The following GLB1 variants were observed in gnomAD, a reference collection of about 807,000 sequenced individuals.
GLB1 encodes the protein galactosidase beta 1, also known as beta-galactosidase.
In GLB1, 56 loss-of-function variants were observed where a neutral mutation model predicts 74.0. The ratio of observed to expected loss-of-function variants is 0.76; its 90% CI spans 0.61 to 0.94. The LOEUF (loss-of-function observed/expected upper bound fraction) is 0.94, where lower values mean the gene tolerates loss of function less well. GLB1 is among the 40% of genes least tolerant of loss of function. The pLI is 0.00. For synonymous variants in GLB1, 323 were observed against 323.6 expected, an observed-to-expected ratio of 1.00 and a Z score of 0.02; for missense variants, 787 against 845.5, an observed-to-expected ratio of 0.93 and a Z score of 0.86.
At chr3:33,009,861 A>G (rs75835773) in intron 15 of GLB1, among the ~76,000 whole-genome samples, 2,237 of 152,324 alleles carry the variant, frequency 0.015, 62 homozygotes, top group African/African-American at 0.051. Context: ...GGAGTCATAC[A>G]ATACATAGCC....
intron 1 of GLB1, chr3:33,077,483 G>A: frequency 2.8e-6 from 2 of 714,594 alleles, no homozygotes; most frequent in Non-Finnish European, 2.2e-6. Context: ...GTCAGGGGGT[G>A]TCTACTAAAA....
At position 33,091,004 on chromosome 3, in the gene GLB1, C is replaced by T. The variant is rs552789891; in HGVS notation, c.75+6007G>A. 3.0e-6 allele frequency: 3 copies of T among 985,284 alleles called. No homozygotes were observed. In the South Asian group the frequency reaches 1.4e-4, roughly 46 times the overall value. 61.0% of individuals were successfully genotyped at this position (985,284 alleles called of 1,614,324 possible). ...ATGAGAAAGATGTAAAATCAAGAAA[C>T]CAGTGAAATAACACGTAACAGGTGA... On this transcript the variant is annotated intron_variant, in intron 1 of 15. Transcript: ENST00000307363.
chr3:33,055,220 TG>T (rs1699164100), intron 6 of GLB1, among the ~76,000 whole-genome samples: 1 of 152,182 alleles, frequency 6.6e-6, no homozygotes, highest in Admixed American at 6.5e-5. Flanking sequence ...GCCTTGTGGT[TG>T]TCTATTCTCC....
intron 9 of GLB1, among the ~76,000 whole-genome samples, chr3:33,050,097 G>A (rs1441681171): frequency 6.6e-6 from 1 of 152,122 alleles, no homozygotes; most frequent in African/African-American, 2.4e-5. Context: ...GAAGCTTAGC[G>A]AAAAGCCAGT....
chr3:32,970,154 ACT>A, the GLB1 span, among the ~76,000 whole-genome samples: 1 of 152,240 alleles, frequency 6.6e-6, no homozygotes, highest in South Asian at 2.1e-4. Context: ...ATAGTTCAGG[ACT>A]TAACTTGACT....
chr3:33,012,861 T>C (rs1433280634), intron 15 of GLB1, among the ~76,000 whole-genome samples: 2 of 152,212 alleles, frequency 1.3e-5, no homozygotes, highest in African/African-American at 4.8e-5. Flanking sequence ...AAATAGTTGA[T>C]GTCATCTCCA....
At chr3:32,986,427 C>T in the GLB1 span, among the ~76,000 whole-genome samples, 1 of 152,170 alleles carries the variant, frequency 6.6e-6, no homozygotes, top group East Asian at 1.9e-4. Context: ...TGGGCAAATA[C>T]TTCAAAAATA....
At chr3:32,993,226 T>G (rs1696255653), downstream of GLB1, among the ~76,000 whole-genome samples, 1 of 152,164 alleles carries the variant, frequency 6.6e-6, no homozygotes, top group Non-Finnish European at 1.5e-5. Context: ...ACAATTTCAT[T>G]CTGAATAAAC....
chr3:33,071,516 C>A (rs1271465546), intron 2 of GLB1, among the ~76,000 whole-genome samples: 1 of 152,186 alleles, frequency 6.6e-6, no homozygotes, highest in Non-Finnish European at 1.5e-5. Context: ...ATTACCGCAG[C>A]AGAACCACAA....
intron 5 of GLB1, among the ~76,000 whole-genome samples, chr3:33,063,117 G>GT (rs1484503099): frequency 6.6e-6 from 1 of 152,084 alleles, no homozygotes; most frequent in Non-Finnish European, 1.5e-5. Flanking sequence ...GCGTCAGAAG[G>GT]TAAGTAGGAC....
In GLB1 at chr3:33,024,285, G is replaced by C; in HGVS notation, c.1109C>G (p.Pro370Arg). 1.2e-6 allele frequency: 2 copies of C among 1,613,030 alleles called. No homozygotes were observed. The highest frequency in any genetic ancestry group is 1.7e-6 in the Non-Finnish European group (2 of 1,179,912). The change falls in exon 11 of 16, where the codon CCA (proline) becomes CGA (arginine). Residue 370 changes from proline to arginine, a missense_variant. Physicochemically the swap from Pro to Arg is moderately radical, Grantham distance 103 (BLOSUM62 -2). Transcript: ENST00000307363. ...AGTGACCTTTCCATATGCAAACTTT[G>C]GTGTAGATGGAGGGATAGGACCTTC... ...VPEGPIPPST[P>R]KFAYGKVTLE...
chr3:32,977,267 C>T, the GLB1 span, among the ~76,000 whole-genome samples: 56 of 148,832 alleles, frequency 3.8e-4, no homozygotes, highest in Non-Finnish European at 1.2e-4. Flanking sequence ...AGTGCAGTGG[C>T]GCAATCTCGG....
At chr3:33,071,722 G>A (rs1325513366) in intron 2 of GLB1, among the ~76,000 whole-genome samples, 1 of 152,016 alleles carries the variant, frequency 6.6e-6, no homozygotes, top group Non-Finnish European at 1.5e-5. Context: ...CTTCTCCCCT[G>A]AAGCAAGTCA....
intron 15 of GLB1, among the ~76,000 whole-genome samples, chr3:33,009,212 G>A (rs1696918533): frequency 6.6e-6 from 1 of 151,748 alleles, no homozygotes; most frequent in South Asian, 2.1e-4. Flanking sequence ...CCTTAATGGT[G>A]GAATGTTTCA....
chr3:32,963,993 C>T, the GLB1 span, among the ~76,000 whole-genome samples: 1 of 152,168 alleles, frequency 6.6e-6, no homozygotes, highest in African/African-American at 2.4e-5. Flanking sequence ...TGATGTAACA[C>T]CTGCCCACAG....
intron 5 of GLB1, among the ~76,000 whole-genome samples, chr3:33,065,229 T>A (rs1217382735): frequency 1.3e-5 from 2 of 152,032 alleles, no homozygotes; most frequent in East Asian, 3.9e-4. Context: ...AAGAAGGTGG[T>A]TGGAAGAATT....
At chr3:33,020,564 G>A (rs563913012) in intron 12 of GLB1, among the ~76,000 whole-genome samples, 2 of 152,234 alleles carry the variant, frequency 1.3e-5, no homozygotes, top group South Asian at 2.1e-4. Flanking sequence ...CAAACACCCC[G>A]ACCTTTTCAA....
At chr3:33,056,973 A>G (rs1699249106) in intron 6 of GLB1, among the ~76,000 whole-genome samples, 4 of 152,190 alleles carry the variant, frequency 2.6e-5, no homozygotes. Flanking sequence ...AGCTGTTGAT[A>G]TGGTTTGGAT....
At chr3:32,989,636 T>C in the GLB1 span, among the ~76,000 whole-genome samples, 1 of 152,188 alleles carries the variant, frequency 6.6e-6, no homozygotes, top group Non-Finnish European at 1.5e-5. Context: ...TCAGACCTGA[T>C]CTGTCATGTC....
Sources: allele counts gnomAD v4.1 joint callset (sites outside exome capture counted in the v4.1 genomes callset), GRCh38; gene constraint gnomAD v4.1.1; transcripts MANE v1.5; gene names NCBI Gene and HGNC (gene_info 2026-07-23, HGNC 2026-07-21).